LAIR1: variants seen among roughly 807,000 people sequenced by gnomAD.
The protein encoded by LAIR1 is leukocyte-associated immunoglobulin-like receptor 1.
A neutral mutation model predicts 32.8 loss-of-function variants in LAIR1; 24 were observed. That is an observed-to-expected ratio of 0.73 (90% CI 0.53 to 1.03). The LOEUF (loss-of-function observed/expected upper bound fraction) is 1.03, where lower values mean the gene tolerates loss of function less well. Ranked by LOEUF, LAIR1 falls within the 50% of genes least tolerant of loss-of-function variation. The pLI is 0.00. For synonymous variants in LAIR1, 150 were observed against 140.5 expected, an observed-to-expected ratio of 1.07 and a Z score of -0.48; for missense variants, 355 against 347.5, an observed-to-expected ratio of 1.02 and a Z score of -0.17.
chr19:54,362,988 C>A (rs1453109106), intron 2 of LAIR1, among the ~76,000 whole-genome samples: 1 of 148,296 alleles, frequency 6.7e-6, no homozygotes, highest in African/African-American at 2.5e-5. Context: ...AGGTCTGATT[C>A]TATCTGAAGA....
chr19:54,357,404 C>A (rs116037777), intron 4 of LAIR1: 1 of 159,230 alleles, frequency 6.3e-6, no homozygotes. Context: ...CCCTCCCTGA[C>A]CTCCTTCTGG....
chr19:54,356,145 T>TGCG, intron 8 of LAIR1, 85 bp downstream of exon 8: 1 of 1,403,894 alleles, frequency 7.1e-7, no homozygotes, highest in Non-Finnish European at 1.0e-6. Context: ...CAAAGATTCT[T>TGCG]CCCCCCACCC....
rs932878881 is a variant in LAIR1, at chr19:54,354,699, T to C, written c.*569A>G. ...ATGTGAGGCCTTCAAAATTATTTAT[T>C]GATGCGTGGAGTAAAGCACAACCCA... is the stretch of plus-strand genomic sequence containing the variant. On this transcript the variant is annotated 3_prime_UTR_variant, in exon 10 of 10. Coordinates refer to ENST00000391742, the MANE Select transcript of LAIR1 (RefSeq NM_002287.6). The C allele has an allele frequency of 6.6e-6, 1 of 152,242 alleles. No individual in the cohort carries two copies. Among genetic ancestry groups the C allele is most frequent in the African/African-American group, 2.4e-5 (1 of 41,454 alleles). 9.4% of individuals were successfully genotyped at this position (152,242 alleles called of 1,614,324 possible).
chr19:54,356,822 A>G, intron 5 of LAIR1, 106 bp downstream of exon 5: 2 of 1,418,754 alleles, frequency 1.4e-6, no homozygotes. Context: ...AGGGACACAG[A>G]CTGCCATTGG....
chr19:54,358,563 G>A (rs776574317), intron 4 of LAIR1: 4 of 1,610,590 alleles, frequency 2.5e-6, no homozygotes, highest in Non-Finnish European at 2.5e-6. Context: ...TCACAAGACG[G>A]GAGGCCATTT....
chr19:54,366,364 C>T (rs1228038145), upstream of LAIR1, among the ~76,000 whole-genome samples: 1 of 152,180 alleles, frequency 6.6e-6, no homozygotes, highest in African/African-American at 2.4e-5. Flanking sequence ...GACAAGGTCT[C>T]AGCTGGAAAT....
At position 54,363,714 on chromosome 19, in the gene LAIR1, C is replaced by T. The variant is rs184024161; in HGVS notation, c.70+581G>A. ...GCCGGGCACAGAAAGACAATTACTG[C>T]GCGTTCTCACTTATCTGTGGAATCT... is the stretch of plus-strand genomic sequence containing the variant. On this transcript the variant is annotated intron_variant, in intron 2 of 9. Transcript: ENST00000391742. Among the ~76,000 whole-genome samples, 7 of 152,278 alleles carry T rather than the reference C, an allele frequency of 4.6e-5. No individual in the cohort carries two copies. In the East Asian group the frequency reaches 5.8e-4, roughly 13 times the overall value.
chr19:54,370,519 T>A, exon 1 of LAIR1: 1 of 401,330 alleles, frequency 2.5e-6, no homozygotes. Flanking sequence ...TACCAAGACA[T>A]AGCGGGTGTC....
At chr19:54,373,269 C>T (rs575804703), upstream of LAIR1, among the ~76,000 whole-genome samples, 41 of 151,254 alleles carry the variant, frequency 2.7e-4, no homozygotes, top group East Asian at 1.2e-3. Flanking sequence ...GGTGAAACCC[C>T]ATCTCTACTA....
At chr19:54,373,204 A>T (rs970351735), upstream of LAIR1, among the ~76,000 whole-genome samples, 3 of 151,076 alleles carry the variant, frequency 2.0e-5, no homozygotes, top group Non-Finnish European at 4.4e-5. Context: ...GCACTTTGGG[A>T]GGCCAAGGCG....
chr19:54,366,220 C>T (rs904896584), upstream of LAIR1, among the ~76,000 whole-genome samples: 16 of 151,852 alleles, frequency 1.1e-4, no homozygotes, highest in Admixed American at 3.9e-4. Context: ...AATTTGTTAA[C>T]GGAATAGACC....
upstream of LAIR1, among the ~76,000 whole-genome samples, chr19:54,374,562 T>G (rs1393086453): frequency 3.3e-5 from 5 of 152,158 alleles, no homozygotes; most frequent in African/African-American, 9.7e-5. Context: ...CGCAGTGACC[T>G]TGGCAAAGTC....
upstream of LAIR1, among the ~76,000 whole-genome samples, chr19:54,373,253 C>A (rs8111155): frequency 2.3e-4 from 35 of 150,184 alleles, no homozygotes; most frequent in East Asian, 5.9e-3. Flanking sequence ...CCATCCTGGC[C>A]AACACGGTGA....
At chr19:54,357,929 C>T (rs1356569663) in intron 4 of LAIR1, 1 of 150,796 alleles carries the variant, frequency 6.6e-6, no homozygotes, top group Non-Finnish European at 1.5e-5. Flanking sequence ...TTTAAAATTA[C>T]ATATGTATTA....
Position 54,361,099 on chromosome 19 carries a change from C to G in LAIR1, c.181G>C (p.Glu61Gln), listed in dbSNP as rs757205287. ...GPVGVQTFRL[E>Q]RDSRSTYNDT... Reference sequence around the variant, plus strand: ...TTGTATGTGGATCTACTGTCCCTCTCCAGGCGGAATGTTTGAACCCCAACC... The same window carrying G: ...TTGTATGTGGATCTACTGTCCCTCTGCAGGCGGAATGTTTGAACCCCAACC... The change falls in exon 3 of 10, where the codon GAG (glutamate) becomes CAG (glutamine). Residue 61 changes from glutamate to glutamine, a missense_variant. Transcript: ENST00000391742. The G allele has an allele frequency of 1.2e-6, 2 of 1,614,190 alleles. No individual in the cohort carries two copies. The highest frequency in any genetic ancestry group is 2.2e-5 in the East Asian group (1 of 44,876).
At chr19:54,360,862 G>C (rs2081982415) in intron 3 of LAIR1, 54 bp downstream of exon 3, 15 of 1,556,936 alleles carry the variant, frequency 9.6e-6, no homozygotes, top group Admixed American at 1.7e-5. Context: ...GGGACCTGGG[G>C]ACAAGCTCGA....
At chr19:54,358,488 T>A in intron 4 of LAIR1, 1 of 1,518,956 alleles carries the variant, frequency 6.6e-7, no homozygotes, top group Non-Finnish European at 9.1e-7. Context: ...TTTTTATCTG[T>A]ATATGCATGT....
At chr19:54,356,653 G>A (rs1203366996) in intron 5 of LAIR1, 34 bp from the exon 6 acceptor site, 4 of 1,608,656 alleles carry the variant, frequency 2.5e-6, no homozygotes, top group Non-Finnish European at 3.4e-6. Context: ...TCAGCAGTGT[G>A]CATTTATTGA....
intron 2 of LAIR1, among the ~76,000 whole-genome samples, chr19:54,363,366 C>G (rs1218609769): frequency 2.0e-5 from 3 of 151,830 alleles, no homozygotes; most frequent in East Asian, 3.9e-4. Flanking sequence ...TTGTGACTGT[C>G]ATGTTCCCCG....
Sources: allele counts gnomAD v4.1 joint callset (sites outside exome capture counted in the v4.1 genomes callset), GRCh38; gene constraint gnomAD v4.1.1; transcripts MANE v1.5; gene names NCBI Gene and HGNC (gene_info 2026-07-23, HGNC 2026-07-21).